ATP5F1A: variants seen among roughly 807,000 people sequenced by gnomAD.
ATP5F1A encodes the protein ATP synthase F(1) complex subunit alpha, mitochondrial.
A neutral mutation model predicts 57.4 loss-of-function variants in ATP5F1A; 24 were observed. The observed-to-expected ratio is 0.42, with a 90% CI of 0.30 to 0.59. The LOEUF (loss-of-function observed/expected upper bound fraction) is 0.59. Among genes scored for constraint, ATP5F1A ranks in the 20% least tolerant of loss-of-function variants. ATP5F1A has a pLI of 0.19. For missense variants in ATP5F1A, 494 were observed against 707.9 expected (o/e 0.70, Z 3.43); for synonymous variants, 251 against 255.5 (o/e 0.98, Z 0.17).
chr18:46,088,221 C>T lies in ATP5F1A; in HGVS notation c.687G>A (p.Gln229=). 6.3e-7 allele frequency: 1 copy of T among 1,594,530 alleles called. No homozygotes were observed. The part of the protein sequence containing the change: ...TSIAIDTIIN[Q]KRFNDGSDEK... ...CATCAGATCCATCATTGAAACGTTTCTGGTTAATGATTGTGTCAATAGCAA... is the reference window on the plus strand; with the variant it reads ...CATCAGATCCATCATTGAAACGTTTTTGGTTAATGATTGTGTCAATAGCAA... The change falls in exon 6 of 12, where the codon CAG becomes CAA. Residue 229 remains glutamine (Q), a synonymous_variant. Transcript: ENST00000398752.
upstream of ATP5F1A, among the ~76,000 whole-genome samples, chr18:46,098,589 T>C (rs1373206540): frequency 1.3e-5 from 2 of 151,988 alleles, no homozygotes; most frequent in Admixed American, 6.6e-5. Flanking sequence ...CCAGGCCCCA[T>C]CTGGTGCTAG....
intron 3 of ATP5F1A, among the ~76,000 whole-genome samples, chr18:46,091,088 T>G (rs1346961337): frequency 6.6e-6 from 1 of 152,104 alleles, no homozygotes; most frequent in Non-Finnish European, 1.5e-5. Flanking sequence ...TTACCAAGAG[T>G]ATCAAGACTA....
upstream of ATP5F1A, among the ~76,000 whole-genome samples, chr18:46,100,251 T>TAAAAAAAAAAAAAAAAAAAAAAAAAAA (rs34683117): frequency 1.2e-4 from 8 of 68,662 alleles, no homozygotes; most frequent in African/African-American, 1.6e-4. Context: ...AAACTCCATC[T>TAAAAAAAAAAAAAAAAAAAAAAAAAAA]AAAAAAAAAA....
chr18:46,097,487 C>A (rs146093758), intron 1 of ATP5F1A, among the ~76,000 whole-genome samples: 229 of 152,226 alleles, frequency 1.5e-3, no homozygotes, highest in Middle Eastern at 3.4e-3. Context: ...AGGACAAATT[C>A]TTTAAACACG....
chr18:46,092,438 G>A lies in ATP5F1A; in HGVS notation c.140-587C>T, dbSNP rs546474646. On this transcript the variant is annotated intron_variant, in intron 2 of 11. Coordinates refer to ENST00000398752, the MANE Select transcript of ATP5F1A (RefSeq NM_004046.6). ...AGCCTGGCCAACATTGTGAAACCCCGTCTCCACTAAAAATAAAAAAAAAAT... is the reference window on the plus strand; with the variant it reads ...AGCCTGGCCAACATTGTGAAACCCCATCTCCACTAAAAATAAAAAAAAAAT... Among the ~76,000 whole-genome samples, 21 of 148,754 alleles carry A rather than the reference G, an allele frequency of 1.4e-4. No homozygotes were observed. The East Asian group carries it at 2.0e-3, about 14-fold the overall frequency.
upstream of ATP5F1A, among the ~76,000 whole-genome samples, chr18:46,098,922 G>A (rs188146142): frequency 1.2e-4 from 18 of 152,262 alleles, no homozygotes; most frequent in Non-Finnish European, 2.9e-5. Flanking sequence ...CAGTGAATTA[G>A]AGCAAACTGT....
At chr18:46,094,928 C>T in intron 2 of ATP5F1A, 125 bp downstream of exon 2, 2 of 1,304,350 alleles carry the variant, frequency 1.5e-6, no homozygotes, top group Non-Finnish European at 9.9e-7. Context: ...GTTTAAGAAC[C>T]TGAGAGTCTA....
chr18:46,096,589 T>C (rs1360170935), intron 1 of ATP5F1A, among the ~76,000 whole-genome samples: 2 of 151,840 alleles, frequency 1.3e-5, no homozygotes, highest in Non-Finnish European at 2.9e-5. Flanking sequence ...ACTTTAGATG[T>C]ATTTTAATGG....
rs1193788901 is a variant in ATP5F1A at position 46,082,443 on chromosome 18, T to C, written c.*1839A>G. ...GCTCACACCTGTAATCCCAGCACTG[T>C]GGGAGGCCAAGGCAGGCAGATCACA... On this transcript the variant is annotated 3_prime_UTR_variant, in exon 12 of 12. Coordinates refer to ENST00000398752, the MANE Select transcript of ATP5F1A (RefSeq NM_004046.6). 1.4e-5 allele frequency: 2 copies of C among 146,248 alleles called. No homozygotes were observed. The highest frequency in any genetic ancestry group is 3.0e-5 in the Non-Finnish European group (2 of 67,150). The allele number at this position is 146,248 out of a possible 1,614,324, so 9.1% of individuals were successfully genotyped here. A position where few individuals can be genotyped will look rare whatever the true frequency, so the allele number is the denominator to read the frequency against.
intron 2 of ATP5F1A, among the ~76,000 whole-genome samples, chr18:46,094,186 C>CACAT (rs140950200): frequency 0.018 from 2,737 of 151,072 alleles, 89 homozygotes; most frequent in African/African-American, 0.063. Flanking sequence ...CACACACACA[C>CACAT]ATATACACAC....
chr18:46,103,132 C>T (rs893931695), upstream of ATP5F1A, among the ~76,000 whole-genome samples: 6 of 151,408 alleles, frequency 4.0e-5, no homozygotes, highest in Admixed American at 2.6e-4. Context: ...TGAAACCCCC[C>T]GTTCTACTAA....
At chr18:46,084,682 T>C (rs771766792) in intron 10 of ATP5F1A, 28 bp from the exon 11 acceptor site, 5 of 1,519,854 alleles carry the variant, frequency 3.3e-6, no homozygotes, top group Non-Finnish European at 3.5e-6. Context: ...GAATGCCAAG[T>C]GAGTTGCTCA....
rs981950853 is a variant in ATP5F1A, at chr18:46,081,559, G to C, written c.*2723C>G. Reference sequence around the variant, plus strand: ...CATGCCTGTAATCCCAGCTACTCAGGAGCCTGAGGCAGGAGAATTGCTTGA... The same window carrying C: ...CATGCCTGTAATCCCAGCTACTCAGCAGCCTGAGGCAGGAGAATTGCTTGA... On this transcript the variant is annotated 3_prime_UTR_variant, in exon 12 of 12. Transcript: ENST00000398752. The C allele has an allele frequency of 6.6e-6, 1 of 150,508 alleles. No individual in the cohort carries two copies. The highest frequency in any genetic ancestry group is 1.5e-5 in the Non-Finnish European group (1 of 67,862). The allele number at this position is 150,508 out of a possible 1,614,324, so 9.3% of individuals were successfully genotyped here. A position where few individuals can be genotyped will look rare whatever the true frequency, so the allele number is the denominator to read the frequency against.
chr18:46,093,781 G>A (rs562627238), intron 2 of ATP5F1A, among the ~76,000 whole-genome samples: 62 of 151,946 alleles, frequency 4.1e-4, no homozygotes, highest in African/African-American at 1.4e-3. Context: ...CTGAGATGGC[G>A]CAACTGCACT....
At chr18:46,098,444 A>C, upstream of ATP5F1A, 1 of 1,310,040 alleles carries the variant, frequency 7.6e-7, no homozygotes, top group Non-Finnish European at 9.9e-7. Flanking sequence ...TTAAGTTTAA[A>C]CCTCAAAATG....
In ATP5F1A at chr18:46,081,695, A is replaced by C. The variant is rs1206936149; in HGVS notation, c.*2587T>G. Reference sequence around the variant, plus strand: ...AAACAAAAAAAAAAAAAAAAAAAAAAAACGAAATGTGCAGAACCTTCTAAC... The same window carrying C: ...AAACAAAAAAAAAAAAAAAAAAAAACAACGAAATGTGCAGAACCTTCTAAC... On this transcript the variant is annotated 3_prime_UTR_variant, in exon 12 of 12. Coordinates refer to ENST00000398752, the MANE Select transcript of ATP5F1A (RefSeq NM_004046.6). The C allele has an allele frequency of 9.4e-5, 14 of 148,724 alleles. No individual in the cohort carries two copies. The South Asian group carries it at 1.7e-3, about 18-fold the overall frequency. The allele number at this position is 148,724 out of a possible 1,614,324, so 9.2% of individuals were successfully genotyped here. A position where few individuals can be genotyped will look rare whatever the true frequency, so the allele number is the denominator to read the frequency against.
In ATP5F1A at chr18:46,087,182, A is replaced by C; in HGVS notation, c.1002T>G (p.Arg334=). 1.9e-6 allele frequency: 3 copies of C among 1,614,188 alleles called. No homozygotes were observed. Among genetic ancestry groups the C allele is most frequent in the Non-Finnish European group, 2.5e-6 (3 of 1,180,006 alleles). ...MSLLLRRPPG[R]EAYPGDVFYL... ...AGAACACATCACCAGGATAGGCCTC[A>C]CGACCAGGGGGTCGGCGGAGCAACA... is the stretch of plus-strand genomic sequence containing the variant. Residue 334 remains arginine (R), a synonymous_variant, in exon 8 of 12, where the codon CGT becomes CGG. Coordinates refer to ENST00000398752, the MANE Select transcript of ATP5F1A (RefSeq NM_004046.6).
intron 6 of ATP5F1A, chr18:46,087,740 C>A (rs1299815151): frequency 4.3e-6 from 2 of 468,996 alleles, no homozygotes; most frequent in South Asian, 2.6e-5. Flanking sequence ...ATTAGCCGGA[C>A]GTGGTGGCAT....
In ATP5F1A at chr18:46,084,206, A is replaced by AC; in HGVS notation, c.*75dup. On this transcript the variant is annotated 3_prime_UTR_variant, in exon 12 of 12. Coordinates refer to ENST00000398752, the MANE Select transcript of ATP5F1A (RefSeq NM_004046.6). ...TCTGTACATAAGGAGTATGAGAGTA[A>AC]CCCTTTTACAAATGGAACTAATTTA... is the stretch of plus-strand genomic sequence containing the variant. 3.2e-6 allele frequency: 4 copies of AC among 1,256,220 alleles called. No homozygotes were observed. In the South Asian group the frequency reaches 5.2e-5, roughly 16 times the overall value. The allele number at this position is 1,256,220 out of a possible 1,614,324, so 77.8% of individuals were successfully genotyped here. A position where few individuals can be genotyped will look rare whatever the true frequency, so the allele number is the denominator to read the frequency against.
Sources: gnomAD v4.1 joint callset for allele counts (sites outside exome capture counted in the v4.1 genomes callset) on GRCh38, gnomAD v4.1.1 for gene constraint, MANE v1.5 for transcripts, NCBI Gene and HGNC (gene_info 2026-07-23, HGNC 2026-07-21) for gene names.